The following LRRC1 variants were observed in gnomAD, a reference collection of about 807,000 sequenced individuals.
LRRC1 encodes leucine-rich repeat-containing protein 1.
LRRC1 carries 28 observed loss-of-function variants against 69.9 expected under a neutral mutation model. That is an observed-to-expected ratio of 0.40 (90% confidence interval 0.30 to 0.55). LRRC1 has a LOEUF of 0.55. Among genes scored for constraint, LRRC1 ranks in the 20% least tolerant of loss-of-function variants. The pLI is 0.47. For synonymous variants in LRRC1, 236 were observed against 240.2 expected (o/e 0.98, Z 0.16); for missense variants, 498 against 609.0 (o/e 0.82, Z 1.92).
At chr6:53,826,433 T>C (rs999139608) in intron 1 of LRRC1, among the ~76,000 whole-genome samples, 8 of 152,138 alleles carry the variant, frequency 5.3e-5, no homozygotes, top group African/African-American at 1.9e-4. Context: ...AGAGCCCCCA[T>C]TACTCTCCAT....
chr6:53,918,148 C>T (rs933409391), intron 11 of LRRC1, among the ~76,000 whole-genome samples: 2 of 152,210 alleles, frequency 1.3e-5, no homozygotes, highest in African/African-American at 4.8e-5. Flanking sequence ...ATATTGCTCT[C>T]ATTAGTGAAA....
intron 1 of LRRC1, among the ~76,000 whole-genome samples, chr6:53,816,728 C>CT (rs35264354): frequency 0.83 from 125,475 of 152,078 alleles, 51,960 homozygotes; most frequent in East Asian, 0.92. Context: ...CCATGGAGGG[C>CT]AGAGGGAAGG....
At chr6:53,875,223 A>G (rs1767025893) in intron 2 of LRRC1, among the ~76,000 whole-genome samples, 1 of 152,200 alleles carries the variant, frequency 6.6e-6, no homozygotes, top group Admixed American at 6.5e-5. Flanking sequence ...GAATGCACAT[A>G]CATATAACAT....
intron 9 of LRRC1, among the ~76,000 whole-genome samples, chr6:53,903,925 C>T (rs1173642318): frequency 6.6e-6 from 1 of 152,232 alleles, no homozygotes; most frequent in Non-Finnish European, 1.5e-5. Flanking sequence ...CACCTTTCTC[C>T]CATCCCCATA....
chr6:53,832,146 C>T (rs1266010838), intron 1 of LRRC1, among the ~76,000 whole-genome samples: 3 of 152,028 alleles, frequency 2.0e-5, no homozygotes, highest in Non-Finnish European at 2.9e-5. Flanking sequence ...ACCATAAAAT[C>T]GCCTAATTGA....
At chr6:53,863,752 A>AT (rs1180625563) in intron 2 of LRRC1, among the ~76,000 whole-genome samples, 1 of 152,110 alleles carries the variant, frequency 6.6e-6, no homozygotes, top group Non-Finnish European at 1.5e-5. Flanking sequence ...GAACAGTGTA[A>AT]TTTTTTTAAT....
At chr6:53,887,146 T>G (rs1415404837) in intron 4 of LRRC1, among the ~76,000 whole-genome samples, 1 of 152,174 alleles carries the variant, frequency 6.6e-6, no homozygotes, top group Non-Finnish European at 1.5e-5. Flanking sequence ...CTAATGCGGC[T>G]GTACTCAATT....
At chr6:53,841,227 T>A (rs1054783765) in intron 1 of LRRC1, among the ~76,000 whole-genome samples, 4 of 152,220 alleles carry the variant, frequency 2.6e-5, no homozygotes, top group Non-Finnish European at 4.4e-5. Flanking sequence ...TCCAGGCTCC[T>A]GCCTGGCTCT....
chr6:53,800,247 C>CTTTTT (rs55960000), intron 1 of LRRC1, among the ~76,000 whole-genome samples: 174 of 89,432 alleles, frequency 1.9e-3, no homozygotes, highest in Middle Eastern at 7.6e-3. Context: ...GTTTCTTTTT[C>CTTTTT]TTTTTTTTTT....
intron 2 of LRRC1, among the ~76,000 whole-genome samples, chr6:53,860,016 T>A (rs1245206352): frequency 6.6e-6 from 1 of 152,220 alleles, no homozygotes; most frequent in Non-Finnish European, 1.5e-5. Flanking sequence ...TTCCACCTTC[T>A]CTCTCCCTTT....
chr6:53,813,693 G>A (rs1249101071), intron 1 of LRRC1, among the ~76,000 whole-genome samples: 4 of 152,032 alleles, frequency 2.6e-5, no homozygotes, highest in African/African-American at 2.4e-5. Context: ...TTGACTCTGC[G>A]GGCTGCCTGT....
intron 2 of LRRC1, among the ~76,000 whole-genome samples, chr6:53,858,255 C>T (rs1766381277): frequency 6.6e-6 from 1 of 151,382 alleles, no homozygotes; most frequent in South Asian, 2.1e-4. Context: ...AAGTTTATTT[C>T]ACTTTGGGAT....
chr6:53,872,162 A>G (rs558687086), intron 2 of LRRC1, among the ~76,000 whole-genome samples: 2 of 152,226 alleles, frequency 1.3e-5, no homozygotes, highest in African/African-American at 4.8e-5. Flanking sequence ...ATTCTTCTGC[A>G]TGTGGATATC....
At chr6:53,800,415 CT>C (rs1264774463) in intron 1 of LRRC1, among the ~76,000 whole-genome samples, 9 of 151,598 alleles carry the variant, frequency 5.9e-5, no homozygotes, top group Non-Finnish European at 1.2e-4. Context: ...CCACGCCCAG[CT>C]AATTTTTGTG....
At chr6:53,847,903 T>G (rs1765999459) in intron 2 of LRRC1, among the ~76,000 whole-genome samples, 1 of 152,220 alleles carries the variant, frequency 6.6e-6, no homozygotes. Context: ...TTTTGTTTGT[T>G]TGTAATAACT....
At position 53,901,295 on chromosome 6, in the gene LRRC1, G is replaced by A. The variant is rs115347574; in HGVS notation, c.788-1334G>A. 2.2e-3 allele frequency among the ~76,000 whole-genome samples: 331 copies of A among 152,312 alleles called. 2 individuals carry two copies. The highest frequency in any genetic ancestry group is 7.6e-3 in the African/African-American group (316 of 41,580). On this transcript the variant is annotated intron_variant, in intron 8 of 13. Transcript: ENST00000370888. Reference sequence around the variant, plus strand: ...TTAAAAAGCAAAGATGGCTGGGCATGGCTCACACTTGTAATCCTAGCACCT... The same window carrying A: ...TTAAAAAGCAAAGATGGCTGGGCATAGCTCACACTTGTAATCCTAGCACCT...
intron 2 of LRRC1, among the ~76,000 whole-genome samples, chr6:53,867,040 T>G (rs1421668075): frequency 6.6e-6 from 1 of 152,012 alleles, no homozygotes; most frequent in Non-Finnish European, 1.5e-5. Context: ...GTCTTGGTGG[T>G]CAAGATCGTG....
intron 1 of LRRC1, among the ~76,000 whole-genome samples, chr6:53,805,102 G>A (rs1326734101): frequency 6.6e-6 from 1 of 152,122 alleles, no homozygotes; most frequent in Admixed American, 6.5e-5. Flanking sequence ...AAGGCCTCGG[G>A]TAGGCTTTAG....
intron 1 of LRRC1, among the ~76,000 whole-genome samples, chr6:53,801,774 G>T (rs1474818276): frequency 6.6e-6 from 1 of 152,112 alleles, no homozygotes; most frequent in Non-Finnish European, 1.5e-5. Context: ...ATTATAATGG[G>T]TTAGTGGAGA....
Sources: gnomAD v4.1 joint callset for allele counts (sites outside exome capture counted in the v4.1 genomes callset) on GRCh38, gnomAD v4.1.1 for gene constraint, MANE v1.5 for transcripts, NCBI Gene and HGNC (gene_info 2026-07-23, HGNC 2026-07-21) for gene names.